Variants in SPIDR observed in about 807,000 individuals in gnomAD.
SPIDR encodes scaffold protein involved in DNA repair.
SPIDR carries 93 observed loss-of-function variants against 104.6 expected under a neutral mutation model. The ratio of observed to expected loss-of-function variants is 0.89; its 90% CI spans 0.75 to 1.06. SPIDR has a LOEUF of 1.06. Among genes scored for constraint, SPIDR ranks in the 50% least tolerant of loss-of-function variants. The probability of loss-of-function intolerance (pLI) is 0.00; values close to 1 mark genes in which losing one functional copy is unlikely to be tolerated. For missense variants in SPIDR, 1,154 were observed against 1,111.2 expected, an observed-to-expected ratio of 1.04 and a Z score of -0.55; for synonymous variants, 431 against 416.9, an observed-to-expected ratio of 1.03 and a Z score of -0.41.
At chr8:47,428,950 CCT>C (rs2066885448) in intron 7 of SPIDR, among the ~76,000 whole-genome samples, 1 of 152,148 alleles carries the variant, frequency 6.6e-6, no homozygotes, top group Non-Finnish European at 1.5e-5. Context: ...TTTATTTTTC[CCT>C]CTGTTATATC....
At chr8:47,469,151 C>T (rs948614359) in intron 8 of SPIDR, among the ~76,000 whole-genome samples, 3 of 152,166 alleles carry the variant, frequency 2.0e-5, no homozygotes, top group African/African-American at 7.2e-5. Flanking sequence ...GATACCATCT[C>T]ACACCAATTA....
At chr8:47,298,431 T>C (rs1687793550) in intron 5 of SPIDR, among the ~76,000 whole-genome samples, 1 of 152,250 alleles carries the variant, frequency 6.6e-6, no homozygotes, top group African/African-American at 2.4e-5. Context: ...GTAGTTTCTT[T>C]TGTTGTGCAG....
chr8:47,348,663 C>CT (rs2052726228), intron 5 of SPIDR, among the ~76,000 whole-genome samples: 1 of 152,114 alleles, frequency 6.6e-6, no homozygotes, highest in Non-Finnish European at 1.5e-5. Flanking sequence ...TCTTTTTACT[C>CT]TTTTTTCTCT....
intron 8 of SPIDR, chr8:47,527,367 CAGAGGCACAGG>C (rs1431567879): frequency 1.3e-5 from 2 of 152,172 alleles, no homozygotes; most frequent in Non-Finnish European, 2.9e-5. Flanking sequence ...GATCTCAGCC[CAGAGGCACAGG>C]CTTACTAAAG....
At chr8:47,348,290 A>C (rs2052605971) in intron 5 of SPIDR, among the ~76,000 whole-genome samples, 1 of 152,094 alleles carries the variant, frequency 6.6e-6, no homozygotes, top group East Asian at 1.9e-4. Flanking sequence ...CTCTCTTCTG[A>C]CTTGCAGAGT....
intron 8 of SPIDR, among the ~76,000 whole-genome samples, chr8:47,575,232 T>G (rs1011285554): frequency 1.4e-4 from 22 of 152,218 alleles, no homozygotes; most frequent in Non-Finnish European, 1.2e-4. Context: ...TCCCCACCAT[T>G]CAGGTTTGTG....
intron 10 of SPIDR, among the ~76,000 whole-genome samples, chr8:47,626,495 A>C (rs1217475208): frequency 6.6e-6 from 1 of 152,246 alleles, no homozygotes; most frequent in Non-Finnish European, 1.5e-5. Flanking sequence ...CTCATCTGAC[A>C]AAGGGCTAAT....
At chr8:47,328,997 C>A (rs1170620892) in intron 5 of SPIDR, among the ~76,000 whole-genome samples, 2 of 151,942 alleles carry the variant, frequency 1.3e-5, no homozygotes, top group Non-Finnish European at 2.9e-5. Context: ...AACTCCACTT[C>A]CTGGGTTCAA....
intron 10 of SPIDR, among the ~76,000 whole-genome samples, chr8:47,602,520 T>A (rs1330971910): frequency 6.6e-6 from 1 of 152,230 alleles, no homozygotes; most frequent in Non-Finnish European, 1.5e-5. Flanking sequence ...AACAGCGGTG[T>A]CTTATGGCAG....
intron 8 of SPIDR, among the ~76,000 whole-genome samples, chr8:47,573,257 CAGTA>C (rs1487764707): frequency 6.6e-6 from 1 of 152,162 alleles, no homozygotes; most frequent in African/African-American, 2.4e-5. Context: ...TGTGTGGGCA[CAGTA>C]AGTGACTAGT....
intron 10 of SPIDR, among the ~76,000 whole-genome samples, chr8:47,620,537 G>A (rs1381132644): frequency 7.0e-6 from 1 of 142,692 alleles, no homozygotes; most frequent in African/African-American, 2.6e-5. Flanking sequence ...CAAAGTGCTG[G>A]GATTACAGGG....
chr8:47,505,644 G>A (rs12549996), intron 8 of SPIDR, among the ~76,000 whole-genome samples: 2 of 151,844 alleles, frequency 1.3e-5, no homozygotes, highest in African/African-American at 2.4e-5. Flanking sequence ...CCCACTTTCC[G>A]ATACTCCCCA....
At chr8:47,401,020 A>G (rs2061809373) in intron 6 of SPIDR, among the ~76,000 whole-genome samples, 1 of 152,116 alleles carries the variant, frequency 6.6e-6, no homozygotes, top group Admixed American at 6.5e-5. Flanking sequence ...GAGCAACTCC[A>G]AGACACATAA....
chr8:47,625,193 A>G (rs574854561), intron 10 of SPIDR, among the ~76,000 whole-genome samples: 1 of 152,242 alleles, frequency 6.6e-6, no homozygotes, highest in Non-Finnish European at 1.5e-5. Flanking sequence ...AACAACCTTC[A>G]TGCTAAAAAC....
In SPIDR at chr8:47,728,153, A is replaced by T. The variant is rs13252390; in HGVS notation, c.2436-780A>T. Among the ~76,000 whole-genome samples the T allele has an allele frequency of 2.5e-3, 378 of 150,264 alleles. 1 individual carries two copies. Among genetic ancestry groups the T allele is most frequent in the South Asian group, 0.014 (65 of 4,730 alleles). On this transcript the variant is annotated intron_variant, in intron 17 of 19. Coordinates refer to ENST00000297423, the MANE Select transcript of SPIDR (RefSeq NM_001080394.4). ...AGAAAAAAAAAAGCAAAGATCGGCC[A>T]GGTGCAGTGTCTCACGCCTGTAATC...
intron 7 of SPIDR, among the ~76,000 whole-genome samples, chr8:47,410,790 C>T (rs1392974894): frequency 6.6e-6 from 1 of 152,072 alleles, no homozygotes; most frequent in African/African-American, 2.4e-5. Flanking sequence ...CATATATCTC[C>T]TAATGTTATC....
chr8:47,403,160 C>A (rs1363085479), intron 6 of SPIDR, among the ~76,000 whole-genome samples: 1 of 152,192 alleles, frequency 6.6e-6, no homozygotes. Flanking sequence ...AACAGCCCTT[C>A]ATGCTAAAAA....
chr8:47,275,678 A>C (rs894620005), intron 1 of SPIDR, among the ~76,000 whole-genome samples: 25 of 152,354 alleles, frequency 1.6e-4, no homozygotes, highest in African/African-American at 5.8e-4. Context: ...GTCTAATCAG[A>C]AGACTCTAAT....
At chr8:47,727,386 C>A in intron 17 of SPIDR, 93 bp downstream of exon 17, 1 of 1,157,756 alleles carries the variant, frequency 8.6e-7, no homozygotes, top group Non-Finnish European at 1.3e-6. Context: ...CCTCAGGTGA[C>A]TCCCTCGAGA....
Sources: gnomAD v4.1 joint callset for allele counts (sites outside exome capture counted in the v4.1 genomes callset) on GRCh38, gnomAD v4.1.1 for gene constraint, MANE v1.5 for transcripts, NCBI Gene and HGNC (gene_info 2026-07-23, HGNC 2026-07-21) for gene names.